Variants in APLP2 observed in about 807,000 individuals in gnomAD.
APLP2 encodes the protein amyloid beta precursor like protein 2.
A neutral mutation model predicts 89.9 loss-of-function variants in APLP2; 53 were observed. That is an observed-to-expected ratio of 0.59 (90% CI 0.47 to 0.74). APLP2 has a LOEUF of 0.74. Ranked by LOEUF, APLP2 falls within the 30% of genes least tolerant of loss-of-function variation. APLP2 has a pLI of 0.00. For missense variants in APLP2, 973 were observed against 975.9 expected (o/e 1.00, Z 0.04); for synonymous variants, 372 against 348.6 (o/e 1.07, Z -0.75).
At chr11:130,086,618 TAA>T (rs967750066) in intron 1 of APLP2, among the ~76,000 whole-genome samples, 4 of 152,234 alleles carry the variant, frequency 2.6e-5, no homozygotes, top group African/African-American at 9.6e-5. Context: ...GCTTTTCTCC[TAA>T]GTCTTCTTCT....
At chr11:130,082,002 A>G (rs528343375) in intron 1 of APLP2, among the ~76,000 whole-genome samples, 1 of 152,332 alleles carries the variant, frequency 6.6e-6, no homozygotes, top group South Asian at 2.1e-4. Context: ...TGGAATTGCC[A>G]TATGTAGGGC....
intron 1 of APLP2, among the ~76,000 whole-genome samples, chr11:130,072,815 A>G (rs1941375321): frequency 6.6e-6 from 1 of 152,176 alleles, no homozygotes; most frequent in South Asian, 2.1e-4. Context: ...AAATCTTTTG[A>G]TAAATACGAT....
At chr11:130,097,985 C>T (rs1374716877) in intron 1 of APLP2, among the ~76,000 whole-genome samples, 1 of 152,142 alleles carries the variant, frequency 6.6e-6, no homozygotes, top group Non-Finnish European at 1.5e-5. Context: ...CACACTAGAC[C>T]TTTCTTAGGT....
At position 130,126,842 on chromosome 11, in the gene APLP2, C is replaced by G; in HGVS notation, c.1221+12C>G. ...ACCGAATGGACAGGGTAAACCTTGA[C>G]AATTTCTTCATCTTCATGGTACTTG... On this transcript the variant is annotated intron_variant, in intron 8 of 16. Coordinates refer to ENST00000338167, the MANE Select transcript of APLP2 (RefSeq NM_001142276.2). The G allele has an allele frequency of 6.2e-7, 1 of 1,613,880 alleles. No homozygotes were observed. The highest frequency in any genetic ancestry group is 1.1e-5 in the South Asian group (1 of 91,078).
At chr11:130,095,771 A>G (rs570228245) in intron 1 of APLP2, among the ~76,000 whole-genome samples, 1 of 152,378 alleles carries the variant, frequency 6.6e-6, no homozygotes, top group South Asian at 2.1e-4. Context: ...TATGGAGACT[A>G]GTACACTGTT....
Position 130,140,466 on chromosome 11 carries a change from A to G in APLP2, c.1906A>G (p.Lys636Glu). 1.9e-6 allele frequency: 3 copies of G among 1,610,930 alleles called. No homozygotes were observed. Among genetic ancestry groups the G allele is most frequent in the South Asian group, 1.1e-5 (1 of 90,580 alleles). The change falls in exon 14 of 17, where the codon AAA becomes GAA. Residue 636 changes from lysine to glutamate, a missense_variant. By Grantham distance (56) the Lys-to-Glu change is moderately conservative (BLOSUM62 1). Transcript: ENST00000338167. ...AGAGAAAGTGATTAACAGTAAGAAT[A>G]AAGTGGATGAAAACATGGTGAGCCT... The part of the protein sequence containing the change: ...AEEKVINSKN[K>E]VDENMVIDET...
At chr11:130,082,873 C>G (rs1358065719) in intron 1 of APLP2, 1 of 154,714 alleles carries the variant, frequency 6.5e-6, no homozygotes, top group Admixed American at 6.5e-5. Flanking sequence ...TGTTTTCTTA[C>G]TGATTTATAG....
intron 1 of APLP2, chr11:130,070,441 T>C (rs1315325418): frequency 5.2e-6 from 3 of 573,324 alleles, no homozygotes; most frequent in Admixed American, 5.5e-5. Context: ...GCCAGGGCGC[T>C]CCTCTCCCGC....
intron 1 of APLP2, among the ~76,000 whole-genome samples, chr11:130,092,594 G>T (rs1307519223): frequency 6.7e-6 from 1 of 148,460 alleles, no homozygotes; most frequent in East Asian, 2.0e-4. Flanking sequence ...GCCTGCAATC[G>T]CAGGCATTGG....
intron 1 of APLP2, among the ~76,000 whole-genome samples, chr11:130,102,300 G>A (rs957794752): frequency 5.9e-5 from 9 of 152,108 alleles, no homozygotes; most frequent in African/African-American, 2.2e-4. Context: ...CAAGAGCGTC[G>A]TACCTTTCGC....
intron 3 of APLP2, among the ~76,000 whole-genome samples, chr11:130,116,769 G>C (rs554692274): frequency 3.9e-5 from 6 of 152,214 alleles, no homozygotes; most frequent in Admixed American, 1.3e-4. Context: ...CCTGCGTCCA[G>C]ACATCCTTAG....
At chr11:130,136,409 C>T (rs1394158311) in intron 13 of APLP2, among the ~76,000 whole-genome samples, 9 of 152,206 alleles carry the variant, frequency 5.9e-5, no homozygotes, top group Non-Finnish European at 1.3e-4. Context: ...TCCATCCTCA[C>T]AGTAACCCTC....
At chr11:130,107,014 A>G (rs547043334) in intron 1 of APLP2, among the ~76,000 whole-genome samples, 4 of 152,220 alleles carry the variant, frequency 2.6e-5, no homozygotes, top group South Asian at 2.1e-4. Context: ...TGCTTTCTCA[A>G]CACTGTGTTC....
intron 1 of APLP2, among the ~76,000 whole-genome samples, chr11:130,077,934 T>G (rs1431649556): frequency 6.6e-6 from 1 of 152,148 alleles, no homozygotes; most frequent in Non-Finnish European, 1.5e-5. Flanking sequence ...ATTTTTGAGC[T>G]TTTCAAAATT....
At chr11:130,093,548 G>T (rs948852499) in intron 1 of APLP2, among the ~76,000 whole-genome samples, 15 of 152,136 alleles carry the variant, frequency 9.9e-5, no homozygotes, top group African/African-American at 3.6e-4. Flanking sequence ...ATAAGTAGAA[G>T]GTCAATCTAG....
intron 7 of APLP2, among the ~76,000 whole-genome samples, chr11:130,124,236 G>A (rs1029284587): frequency 2.0e-5 from 3 of 152,180 alleles, no homozygotes; most frequent in Non-Finnish European, 4.4e-5. Context: ...GCCTCCTCTC[G>A]AAAGGAGTGA....
chr11:130,120,667 C>A, intron 3 of APLP2, 39 bp from the exon 4 acceptor site: 1 of 1,487,320 alleles, frequency 6.7e-7, no homozygotes, highest in Non-Finnish European at 9.4e-7. Context: ...ACCTTGAAAT[C>A]ATGGTCAGAT....
intron 9 of APLP2, among the ~76,000 whole-genome samples, chr11:130,128,292 T>C (rs900005248): frequency 1.3e-5 from 2 of 152,224 alleles, no homozygotes; most frequent in Non-Finnish European, 2.9e-5. Context: ...AGAAGAGTGT[T>C]GCTAGGAATA....
chr11:130,095,557 C>G (rs1183241741), intron 1 of APLP2, among the ~76,000 whole-genome samples: 10 of 152,204 alleles, frequency 6.6e-5, no homozygotes, highest in African/African-American at 2.4e-4. Context: ...GGCCTGATAG[C>G]TGTGGAAGCA....
Sources: gnomAD v4.1 joint callset for allele counts (sites outside exome capture counted in the v4.1 genomes callset) on GRCh38, gnomAD v4.1.1 for gene constraint, MANE v1.5 for transcripts, NCBI Gene and HGNC (gene_info 2026-07-23, HGNC 2026-07-21) for gene names.